Variants in PCDH15 observed in about 807,000 individuals in gnomAD.
PCDH15 encodes protocadherin-15.
PCDH15 carries 129 observed loss-of-function variants against 178.5 expected under a neutral mutation model. The observed-to-expected ratio is 0.72, with a 90% CI of 0.63 to 0.84. The LOEUF is 0.84. Ranked by LOEUF, PCDH15 falls within the 40% of genes least tolerant of loss-of-function variation. The probability of loss-of-function intolerance (pLI) is 0.00; values close to 1 mark genes in which losing one functional copy is unlikely to be tolerated. For missense variants in PCDH15, 2,230 were observed against 2,099.9 expected (o/e 1.06, Z -1.21); for synonymous variants, 800 against 732.0 (o/e 1.09, Z -1.50).
intron 3 of PCDH15, among the ~76,000 whole-genome samples, chr10:54,438,353 G>T (rs1240222680): frequency 2.7e-5 from 4 of 148,842 alleles, no homozygotes; most frequent in Non-Finnish European, 4.4e-5. Context: ...CTGTCGGGGA[G>T]TGAATTTGTA....
At position 54,304,489 on chromosome 10, in the gene PCDH15, T is replaced by C. The variant is rs369138864; in HGVS notation, c.876+12782A>G. Among the ~76,000 whole-genome samples, 9 of 152,062 alleles carry C rather than the reference T, an allele frequency of 5.9e-5. No individual in the cohort carries two copies. In the East Asian group the frequency reaches 1.7e-3, roughly 29 times the overall value. On this transcript the variant is annotated intron_variant, in intron 8 of 37. Transcript: ENST00000644397. ...TTTACACAAAATGAACAGCAAAAGC[T>C]TGGGCATGAGAACAAACTTAGAATG...
chr10:54,481,118 C>T (rs567425242), intron 3 of PCDH15, among the ~76,000 whole-genome samples: 1 of 151,920 alleles, frequency 6.6e-6, no homozygotes, highest in South Asian at 2.1e-4. Context: ...TTAAAATTCT[C>T]ACCCACTTAC....
chr10:55,570,448 T>C (rs1333172942), intron 2 of PCDH15, among the ~76,000 whole-genome samples: 1 of 151,998 alleles, frequency 6.6e-6, no homozygotes, highest in Non-Finnish European at 1.5e-5. Flanking sequence ...CATTTATTTT[T>C]AAATTTAAGT....
At chr10:54,440,971 G>A (rs888756378) in intron 3 of PCDH15, among the ~76,000 whole-genome samples, 5 of 151,910 alleles carry the variant, frequency 3.3e-5, no homozygotes, top group Non-Finnish European at 7.4e-5. Flanking sequence ...TTGTTACTAA[G>A]AAGCCCTCTC....
chr10:55,098,600 T>A (rs1842498275), intron 2 of PCDH15, among the ~76,000 whole-genome samples: 1 of 152,000 alleles, frequency 6.6e-6, no homozygotes, highest in Non-Finnish European at 1.5e-5. Context: ...ACGCTTTCAG[T>A]AAGGAGAAGA....
intron 2 of PCDH15, among the ~76,000 whole-genome samples, chr10:54,928,977 T>C (rs1186673662): frequency 2.0e-5 from 3 of 152,180 alleles, no homozygotes; most frequent in Admixed American, 6.6e-5. Flanking sequence ...AAAGGTGATG[T>C]GGTTGTCTGG....
At chr10:53,961,012 T>C (rs930644454) in intron 22 of PCDH15, among the ~76,000 whole-genome samples, 3 of 152,126 alleles carry the variant, frequency 2.0e-5, no homozygotes, top group Non-Finnish European at 2.9e-5. Context: ...TTTAAATATG[T>C]AAAAAACAAA....
At chr10:54,313,793 C>T (rs991381721) in intron 8 of PCDH15, among the ~76,000 whole-genome samples, 5 of 152,064 alleles carry the variant, frequency 3.3e-5, no homozygotes, top group Non-Finnish European at 5.9e-5. Context: ...AAAGTATAAT[C>T]TGGTCTCTAG....
chr10:55,237,627 G>T (rs1841418406), intron 1 of PCDH15, among the ~76,000 whole-genome samples: 1 of 152,012 alleles, frequency 6.6e-6, no homozygotes, highest in Non-Finnish European at 1.5e-5. Context: ...TCTATATTCA[G>T]AAATTTGGCT....
chr10:54,368,688 G>T (rs1426648415), intron 5 of PCDH15, among the ~76,000 whole-genome samples: 1 of 151,858 alleles, frequency 6.6e-6, no homozygotes, highest in Non-Finnish European at 1.5e-5. Flanking sequence ...TTCAGAACTT[G>T]ATTTTAAAAT....
rs1229221188 is a variant in PCDH15 at position 55,285,536 on chromosome 10, T to C, written c.-156+34063A>G. Among the ~76,000 whole-genome samples the C allele has an allele frequency of 9.2e-5, 14 of 151,930 alleles. 1 individual carries two copies. The South Asian group carries it at 2.7e-3, about 29-fold the overall frequency. ...AGTAAGTCCCCTTTTATTAGAACTA[T>C]AGGATGTTCATTTTTTTTCTTTTTT... is the stretch of plus-strand genomic sequence containing the variant. On this transcript the variant is annotated intron_variant, in intron 1 of 5. Transcript: ENST00000458638.
intron 2 of PCDH15, among the ~76,000 whole-genome samples, chr10:54,986,107 G>A (rs1467726152): frequency 6.6e-6 from 1 of 152,080 alleles, no homozygotes; most frequent in Non-Finnish European, 1.5e-5. Flanking sequence ...CAAATGCAAT[G>A]CCCTGTATTT....
intron 18 of PCDH15, among the ~76,000 whole-genome samples, chr10:54,050,602 C>T (rs1199366310): frequency 6.6e-6 from 1 of 152,118 alleles, no homozygotes; most frequent in Non-Finnish European, 1.5e-5. Flanking sequence ...TTTTGCTAGA[C>T]ATAAGGGGTT....
chr10:54,811,776 G>A (rs555020634), intron 3 of PCDH15, among the ~76,000 whole-genome samples: 16 of 152,224 alleles, frequency 1.1e-4, no homozygotes, highest in Middle Eastern at 3.4e-3. Context: ...GCCAGTTATA[G>A]CTAAATAACT....
chr10:54,520,685 A>G (rs1420098012), intron 3 of PCDH15, among the ~76,000 whole-genome samples: 2 of 151,238 alleles, frequency 1.3e-5, no homozygotes, highest in African/African-American at 4.9e-5. Context: ...AACTAGATAT[A>G]CCATTTGACC....
chr10:55,182,713 T>A (rs560379855), intron 1 of PCDH15, among the ~76,000 whole-genome samples: 3 of 151,978 alleles, frequency 2.0e-5, no homozygotes, highest in East Asian at 1.9e-4. Context: ...TTTTAATGCA[T>A]AGCAGCACAA....
intron 2 of PCDH15, among the ~76,000 whole-genome samples, chr10:55,565,724 G>C (rs1842288570): frequency 6.6e-6 from 1 of 151,534 alleles, no homozygotes; most frequent in Non-Finnish European, 1.5e-5. Context: ...TGTATGCCTA[G>C]AAATCTAATT....
rs188395980 is a variant in PCDH15 at position 54,590,054 on chromosome 10, A to G, written c.92-62177T>C. 2.3e-3 allele frequency among the ~76,000 whole-genome samples: 346 copies of G among 152,334 alleles called. 1 individual carries two copies. The highest frequency in any genetic ancestry group is 7.8e-3 in the African/African-American group (323 of 41,570). Reference sequence around the variant, plus strand: ...ACTCCCAACTGGCCTTTTGTATGACAAAAAGAACTGCTAATCACTTTCCCA... The same window carrying G: ...ACTCCCAACTGGCCTTTTGTATGACGAAAAGAACTGCTAATCACTTTCCCA... On this transcript the variant is annotated intron_variant, in intron 2 of 37. Coordinates refer to ENST00000644397, the MANE Select transcript of PCDH15 (RefSeq NM_001384140.1).
chr10:55,266,692 C>A, intron 1 of PCDH15, among the ~76,000 whole-genome samples: 1 of 152,140 alleles, frequency 6.6e-6, no homozygotes, highest in South Asian at 2.1e-4. Flanking sequence ...TCAAGAGGAA[C>A]ACACTGGCAG....
Sources: allele counts gnomAD v4.1 joint callset (sites outside exome capture counted in the v4.1 genomes callset), GRCh38; gene constraint gnomAD v4.1.1; transcripts MANE v1.5; gene names NCBI Gene and HGNC (gene_info 2026-07-23, HGNC 2026-07-21).